SLC35D2: variants seen among roughly 807,000 people sequenced by gnomAD.
SLC35D2 encodes solute carrier family 35 member D2, also known as nucleotide sugar transporter SLC35D2.
A neutral mutation model predicts 41.8 loss-of-function variants in SLC35D2; 43 were observed. That is an observed-to-expected ratio of 1.03 (90% CI 0.81 to 1.33). The LOEUF (loss-of-function observed/expected upper bound fraction) is 1.33, where lower values mean the gene tolerates loss of function less well. SLC35D2 is among the 40% of genes most tolerant of loss of function. The pLI is 0.00. For missense variants in SLC35D2, 380 were observed against 408.4 expected (o/e 0.93, Z 0.60); for synonymous variants, 150 against 163.9 (o/e 0.92, Z 0.65).
At chr9:96,317,613 T>C (rs919270638), downstream of SLC35D2, among the ~76,000 whole-genome samples, 4 of 152,126 alleles carry the variant, frequency 2.6e-5, no homozygotes, top group Non-Finnish European at 5.9e-5. Context: ...AGAATAAAAA[T>C]TAAAGATTTT....
intron 1 of SLC35D2, among the ~76,000 whole-genome samples, chr9:96,372,127 A>G (rs71499941): frequency 0.025 from 3,857 of 152,326 alleles, 72 homozygotes; most frequent in Middle Eastern, 0.054. Context: ...CTCCTGATAC[A>G]GTGTAAGACG....
At position 96,326,931 on chromosome 9, in the gene SLC35D2, ACTC is replaced by A. The variant is rs1828562873; in HGVS notation, c.753-2765_753-2763del. Among the ~76,000 whole-genome samples, 6 of 152,232 alleles carry A rather than the reference ACTC, an allele frequency of 3.9e-5. No homozygotes were observed. In the South Asian group the frequency reaches 1.2e-3, roughly 32 times the overall value. On this transcript the variant is annotated intron_variant, in intron 9 of 11. Transcript: ENST00000253270. ...ATCCATACAATGAAAAAATTAAAAAACTCAAACTGATGCCACTGAGTGCCTGCT... is the reference window on the plus strand; with the variant it reads ...ATCCATACAATGAAAAAATTAAAAAAAAACTGATGCCACTGAGTGCCTGCT...
Position 96,358,080 on chromosome 9 carries a change from T to TATATATATATATATATATATA in SLC35D2, c.347+2073_347+2074insTATATATATATATATATATAT, listed in dbSNP as rs1554715405. Among the ~76,000 whole-genome samples, 440 of 122,542 alleles carry TATATATATATATATATATATA rather than the reference T, an allele frequency of 3.6e-3. 19 individuals are homozygous for TATATATATATATATATATATA. Among genetic ancestry groups the TATATATATATATATATATATA allele is most frequent in the Middle Eastern group, 8.1e-3 (2 of 246 alleles). The allele number at this position is 122,542 out of a possible 152,430, so 80.4% of individuals were successfully genotyped here. On this transcript the variant is annotated intron_variant, in intron 4 of 11. Transcript: ENST00000253270. ...ATGGATAAACAAAATATTATATATTTTATATATATATATATATATATATAT... is the reference window on the plus strand; with the variant it reads ...ATGGATAAACAAAATATTATATATTTATATATATATATATATATATATATATATATATATATATATATATAT...
In SLC35D2 at chr9:96,349,398, C is replaced by G. The variant is rs185920463; in HGVS notation, c.488+1705G>C. On this transcript the variant is annotated intron_variant, in intron 6 of 11. Transcript: ENST00000253270. The stretch of plus-strand genomic sequence containing the variant: ...GCATTGTCCCCATTCCCTGCCCTCC[C>G]CTGAAGAAGGATATAGAAGCACCTG... Among the ~76,000 whole-genome samples the G allele has an allele frequency of 7.2e-5, 11 of 152,300 alleles. No individual in the cohort carries two copies. In the East Asian group the frequency reaches 1.9e-3, roughly 27 times the overall value.
chr9:96,333,826 C>A (rs1256000282), intron 9 of SLC35D2, among the ~76,000 whole-genome samples: 1 of 152,094 alleles, frequency 6.6e-6, no homozygotes, highest in Non-Finnish European at 1.5e-5. Context: ...ATCAAGTTTA[C>A]AATGACATGA....
At chr9:96,349,167 C>T (rs747994361) in intron 6 of SLC35D2, among the ~76,000 whole-genome samples, 30 of 152,272 alleles carry the variant, frequency 2.0e-4, no homozygotes, top group Non-Finnish European at 3.7e-4. Flanking sequence ...TAAAAGAGTG[C>T]GCCCACCCAT....
At chr9:96,378,440 AAAAC>A (rs916214229) in intron 1 of SLC35D2, among the ~76,000 whole-genome samples, 3 of 152,138 alleles carry the variant, frequency 2.0e-5, no homozygotes, top group Non-Finnish European at 4.4e-5. Context: ...AAAACAAAAC[AAAAC>A]AAACAAAAAA....
At chr9:96,370,515 G>T (rs1215723552) in intron 1 of SLC35D2, among the ~76,000 whole-genome samples, 1 of 151,984 alleles carries the variant, frequency 6.6e-6, no homozygotes, top group Non-Finnish European at 1.5e-5. Flanking sequence ...AAATTAGCCG[G>T]GCGTGGTGGT....
At position 96,345,781 on chromosome 9, in the gene SLC35D2, C is replaced by T. The variant is rs530932332; in HGVS notation, c.489-380G>A. Among the ~76,000 whole-genome samples, 12 of 152,320 alleles carry T rather than the reference C, an allele frequency of 7.9e-5. No homozygotes were observed. The South Asian group carries it at 2.3e-3, about 29-fold the overall frequency. ...AGTGAACAGGGCCACCTCCAGGGTG[C>T]AGCCAGTGAGGGGCAGCTGGGCAGA... is the stretch of plus-strand genomic sequence containing the variant. On this transcript the variant is annotated intron_variant, in intron 6 of 11. Coordinates refer to ENST00000253270, the MANE Select transcript of SLC35D2 (RefSeq NM_007001.3).
intron 1 of SLC35D2, among the ~76,000 whole-genome samples, chr9:96,376,941 A>T (rs1024071038): frequency 1.3e-5 from 2 of 151,256 alleles, no homozygotes; most frequent in Non-Finnish European, 2.9e-5. Flanking sequence ...TAAACCAGCC[A>T]GCCAGATGTG....
chr9:96,326,471 CAAT>C (rs756057793), intron 9 of SLC35D2, among the ~76,000 whole-genome samples: 31 of 151,956 alleles, frequency 2.0e-4, no homozygotes, highest in Non-Finnish European at 4.3e-4. Context: ...CTAAATAAGG[CAAT>C]AATATTTGTA....
At chr9:96,331,621 C>G (rs1828813403) in intron 9 of SLC35D2, among the ~76,000 whole-genome samples, 1 of 152,070 alleles carries the variant, frequency 6.6e-6, no homozygotes, top group African/African-American at 2.4e-5. Context: ...TCTTTTTCCC[C>G]AAGTGCATCC....
intron 1 of SLC35D2, among the ~76,000 whole-genome samples, chr9:96,370,196 G>T (rs1830621979): frequency 6.6e-6 from 1 of 152,130 alleles, no homozygotes; most frequent in South Asian, 2.1e-4. Flanking sequence ...AAGGCCCCTG[G>T]GATGAGGCCT....
intron 4 of SLC35D2, among the ~76,000 whole-genome samples, chr9:96,357,985 A>G (rs915997136): frequency 1.3e-5 from 2 of 151,502 alleles, no homozygotes; most frequent in Non-Finnish European, 2.9e-5. Context: ...GCTGCAAGTG[A>G]GCTGTGATCG....
chr9:96,356,423 T>G (rs1292167969), intron 4 of SLC35D2, among the ~76,000 whole-genome samples: 1 of 149,400 alleles, frequency 6.7e-6, no homozygotes, highest in East Asian at 2.0e-4. Flanking sequence ...GACAAGCTAA[T>G]TTTAAAATTA....
At chr9:96,323,687 G>A (rs1828364773) in intron 10 of SLC35D2, among the ~76,000 whole-genome samples, 1 of 152,128 alleles carries the variant, frequency 6.6e-6, no homozygotes, top group African/African-American at 2.4e-5. Context: ...AGCACTTTGG[G>A]AGGCCGAGGT....
At chr9:96,318,717 G>A (rs1032984504), downstream of SLC35D2, among the ~76,000 whole-genome samples, 1 of 152,096 alleles carries the variant, frequency 6.6e-6, no homozygotes, top group Non-Finnish European at 1.5e-5. Flanking sequence ...AGCTACTCCA[G>A]AGGCTGAGGC....
chr9:96,323,113 C>G (rs960232944), intron 10 of SLC35D2, among the ~76,000 whole-genome samples: 2 of 149,884 alleles, frequency 1.3e-5, no homozygotes, highest in African/African-American at 4.9e-5. Context: ...TTATCTTGAT[C>G]GTAAACTTGA....
At chr9:96,321,927 T>C in intron 11 of SLC35D2, 71 bp downstream of exon 11, 2 of 869,058 alleles carry the variant, frequency 2.3e-6, no homozygotes. Context: ...CTCTTTTGCT[T>C]ATTACATATT....
Sources: gnomAD v4.1 joint callset for allele counts (sites outside exome capture counted in the v4.1 genomes callset) on GRCh38, gnomAD v4.1.1 for gene constraint, MANE v1.5 for transcripts, NCBI Gene and HGNC (gene_info 2026-07-23, HGNC 2026-07-21) for gene names.